ARNT: variants seen among roughly 807,000 people sequenced by gnomAD.
ARNT encodes the protein class E basic helix-loop-helix protein 2.
Under a neutral mutation model 105.0 loss-of-function variants are expected in ARNT, and 30 were observed. The ratio of observed to expected loss-of-function variants is 0.29; its 90% CI spans 0.21 to 0.39. The LOEUF is 0.39. ARNT is among the 10% of genes least tolerant of loss of function. ARNT has a pLI of 1.00. For missense variants in ARNT, 748 were observed against 978.7 expected, an observed-to-expected ratio of 0.76 and a Z score of 3.15; for synonymous variants, 304 against 344.0, an observed-to-expected ratio of 0.88 and a Z score of 1.29.
At chr1:150,814,012 AC>A in intron 20 of ARNT, 64 bp downstream of exon 20, 1 of 1,572,308 alleles carries the variant, frequency 6.4e-7, no homozygotes, top group African/African-American at 1.4e-5. Flanking sequence ...AACAACTTTA[AC>A]TACCAAATCC....
intron 1 of ARNT, among the ~76,000 whole-genome samples, chr1:150,875,259 C>CA (rs1668077369): frequency 6.6e-6 from 1 of 151,362 alleles, no homozygotes; most frequent in Non-Finnish European, 1.5e-5. Context: ...CCCTTTCCTT[C>CA]AAAAAAAATT....
intron 7 of ARNT, 94 bp downstream of exon 7, chr1:150,836,186 C>A: frequency 1.6e-6 from 2 of 1,277,626 alleles, no homozygotes; most frequent in Non-Finnish European, 2.2e-6. Context: ...TTGCCAGAGT[C>A]AACAAACCAA....
chr1:150,855,021 C>A (rs1264230751), intron 2 of ARNT, among the ~76,000 whole-genome samples: 1 of 152,030 alleles, frequency 6.6e-6, no homozygotes, highest in African/African-American at 2.4e-5. Flanking sequence ...GTCTTGAATT[C>A]CTGGGCTCAA....
In ARNT at chr1:150,865,376, A is replaced by T. The variant is rs368282911; in HGVS notation, c.26-6916T>A. Among the ~76,000 whole-genome samples the T allele has an allele frequency of 6.4e-4, 98 of 152,312 alleles. 4 individuals carry two copies. The South Asian group carries it at 0.02, about 32-fold the overall frequency. ...ATAAAATGGACTATTGCCTTGGGAG[A>T]TCGACAAGAACTAAATCCTAAACTG... On this transcript the variant is annotated intron_variant, in intron 1 of 21. Coordinates refer to ENST00000358595, the MANE Select transcript of ARNT (RefSeq NM_001668.4).
chr1:150,829,965 T>C lies in ARNT; in HGVS notation c.971A>G (p.Asp324Gly), dbSNP rs1286834078. The C allele has an allele frequency of 1.9e-6, 3 of 1,614,110 alleles. No individual in the cohort carries two copies. The change falls in exon 11 of 22, where the codon GAT (aspartate) becomes GGT (glycine). Residue 324 changes from aspartate to glycine, a missense_variant. By Grantham distance (94) the Asp-to-Gly change is moderately conservative. This residue lies in a region of ARNT where 291 missense variants were observed against 444.6 expected (regional missense o/e 0.65). Coordinates refer to ENST00000358595, the MANE Select transcript of ARNT (RefSeq NM_001668.4). ...AWPPAGVSLPDDDPEAGQGSK... is the reference protein window; with the variant it reads ...AWPPAGVSLPGDDPEAGQGSK... The stretch of plus-strand genomic sequence containing the variant: ...TCCCTGGCCAGCCTCTGGGTCATCA[T>C]CTGGGAGGGAAACACCTTCAGAAAC...
chr1:150,876,404 TC>T, intron 1 of ARNT, 138 bp downstream of exon 1: 1 of 1,294,984 alleles, frequency 7.7e-7, no homozygotes, highest in Non-Finnish European at 1.0e-6. Flanking sequence ...AGGTCACCGC[TC>T]CCCCACCGTC....
At chr1:150,847,154 G>C (rs1400586732) in intron 3 of ARNT, among the ~76,000 whole-genome samples, 2 of 152,160 alleles carry the variant, frequency 1.3e-5, no homozygotes, top group Non-Finnish European at 2.9e-5. Flanking sequence ...GGGGGAGGCT[G>C]GGCGCAGTGG....
chr1:150,853,189 G>A (rs922127410), intron 2 of ARNT: 5 of 307,844 alleles, frequency 1.6e-5, no homozygotes, highest in Admixed American at 4.7e-5. Context: ...GCTGAGGCAG[G>A]AGAATTGCTG....
intron 19 of ARNT, among the ~76,000 whole-genome samples, chr1:150,814,854 AC>A (rs1210455878): frequency 6.6e-6 from 1 of 152,088 alleles, no homozygotes; most frequent in African/African-American, 2.4e-5. Context: ...AAAACAAACA[AC>A]AAAAAAAGTA....
At chr1:150,857,810 C>T (rs1331753188) in intron 2 of ARNT, among the ~76,000 whole-genome samples, 2 of 152,142 alleles carry the variant, frequency 1.3e-5, no homozygotes, top group Non-Finnish European at 2.9e-5. Flanking sequence ...TCTATCAGAA[C>T]ACAACCAACT....
intron 14 of ARNT, among the ~76,000 whole-genome samples, chr1:150,820,372 T>C (rs1178949028): frequency 6.6e-6 from 1 of 152,196 alleles, no homozygotes; most frequent in African/African-American, 2.4e-5. Flanking sequence ...GTTTGTAAAA[T>C]CTTACTCTGG....
chr1:150,836,236 CAAGA>C, intron 7 of ARNT, 40 bp downstream of exon 7: 17 of 1,580,152 alleles, frequency 1.1e-5, no homozygotes, highest in Non-Finnish European at 1.5e-5. Flanking sequence ...AGGAAAAAAA[CAAGA>C]AAGGACTTCT....
rs906661398 is a variant in ARNT, at chr1:150,831,802, T to C, written c.955+16A>G. ...AACTGTACCAAGGGGAAATATTTAC[T>C]ATTTCACTTTCTTACCTGCTGGGGG... On this transcript the variant is annotated intron_variant, in intron 10 of 21. Coordinates refer to ENST00000358595, the MANE Select transcript of ARNT (RefSeq NM_001668.4). The C allele has an allele frequency of 6.3e-7, 1 of 1,588,486 alleles. No individual in the cohort carries two copies. The highest frequency in any genetic ancestry group is 8.6e-7 in the Non-Finnish European group (1 of 1,161,384).
chr1:150,856,414 T>C (rs1664621316), intron 2 of ARNT, among the ~76,000 whole-genome samples: 1 of 151,726 alleles, frequency 6.6e-6, no homozygotes, highest in Admixed American at 6.6e-5. Context: ...CACTCCAGCC[T>C]GGGCGACAGA....
Position 150,816,860 on chromosome 1 carries a change from A to C in ARNT, c.1730T>G (p.Val577Gly), listed in dbSNP as rs1157296607. ...DQSKGISSST[V>G]PATQQLFSQG... ...GGAGAATAGCTGTTGGGTGGCAGGG[A>C]CAGTGCTGGAGGAGATGCCTTTACT... Residue 577 changes from valine to glycine, a missense_variant, in exon 18 of 22, where the codon GTC becomes GGC. By Grantham distance (109) the Val-to-Gly change is moderately radical. Coordinates refer to ENST00000358595, the MANE Select transcript of ARNT (RefSeq NM_001668.4). 2 of 1,594,050 alleles carry C rather than the reference A, an allele frequency of 1.3e-6. No individual in the cohort carries two copies. The highest frequency in any genetic ancestry group is 8.5e-7 in the Non-Finnish European group (1 of 1,175,268).
intron 1 of ARNT, among the ~76,000 whole-genome samples, chr1:150,858,851 A>AGG (rs1665101813): frequency 6.7e-6 from 1 of 149,520 alleles, no homozygotes; most frequent in African/African-American, 2.5e-5. Flanking sequence ...TTGAACGCCT[A>AGG]GCTCCAAGAG....
At chr1:150,824,194 A>AT (rs757893924) in intron 13 of ARNT, among the ~76,000 whole-genome samples, 15 of 151,498 alleles carry the variant, frequency 9.9e-5, no homozygotes, top group African/African-American at 1.5e-4. Flanking sequence ...ATTTTTTGCC[A>AT]TTTAAAAAAA....
chr1:150,813,165 C>G lies in ARNT; in HGVS notation c.2280+7G>C, dbSNP rs1384498887. ...TCTAATTTTTGAAAGTCTTTTCACTCTCTTACCTGGAAGACCTCAGGCTGG... is the reference window on the plus strand; with the variant it reads ...TCTAATTTTTGAAAGTCTTTTCACTGTCTTACCTGGAAGACCTCAGGCTGG... On this transcript the variant is annotated splice_region_variant and intron_variant, in intron 21 of 21. Coordinates refer to ENST00000358595, the MANE Select transcript of ARNT (RefSeq NM_001668.4). 1.9e-6 allele frequency: 3 copies of G among 1,611,438 alleles called. No individual in the cohort carries two copies. The highest frequency in any genetic ancestry group is 2.5e-6 in the Non-Finnish European group (3 of 1,178,894).
chr1:150,834,843 C>A, intron 7 of ARNT: 1 of 487,078 alleles, frequency 2.1e-6, no homozygotes. Flanking sequence ...CTCTTAAGTT[C>A]AAAGGCAGCA....
Sources: gnomAD v4.1 joint callset for allele counts (sites outside exome capture counted in the v4.1 genomes callset) on GRCh38, gnomAD v4.1.1 for gene constraint, gnomAD v4.1.1 regional missense constraint, MANE v1.5 for transcripts, NCBI Gene and HGNC (gene_info 2026-07-23, HGNC 2026-07-21) for gene names.